The following RPS3 variants were observed in gnomAD, a reference collection of about 807,000 sequenced individuals.
RPS3 encodes the protein small ribosomal subunit protein uS3.
Under a neutral mutation model 25.8 loss-of-function variants are expected in RPS3, and 2 were observed. That is an observed-to-expected ratio of 0.08 (90% confidence interval 0.03 to 0.24). RPS3 has a LOEUF of 0.24. RPS3 is among the 10% of genes least tolerant of loss of function. RPS3 has a pLI of 1.00. For missense variants in RPS3, 107 were observed against 307.1 expected (o/e 0.35, Z 4.87); for synonymous variants, 114 against 114.2 (o/e 1.00, Z 0.01).
chr11:75,410,499 T>G (rs1227033672), downstream of RPS3, among the ~76,000 whole-genome samples: 25 of 146,896 alleles, frequency 1.7e-4, no homozygotes, highest in South Asian at 4.3e-4. Flanking sequence ...CTCCTCACTT[T>G]CCAGACTGGG....
chr11:75,412,390 A>C (rs1026397652), intron 6 of RPS3, among the ~76,000 whole-genome samples: 3 of 151,954 alleles, frequency 2.0e-5, no homozygotes, highest in Non-Finnish European at 4.4e-5. Context: ...CATCTTTCCT[A>C]CTTCCACAGT....
chr11:75,411,642 G>A (rs549535258), downstream of RPS3, among the ~76,000 whole-genome samples: 3 of 151,880 alleles, frequency 2.0e-5, no homozygotes, highest in East Asian at 2.0e-4. Context: ...CACCCACCTC[G>A]GCCTCCCAAA....
downstream of RPS3, among the ~76,000 whole-genome samples, chr11:75,409,464 T>TGGAC (rs1374030131): frequency 2.3e-5 from 3 of 127,716 alleles, no homozygotes; most frequent in African/African-American, 9.1e-5. Flanking sequence ...TAACCCTGAG[T>TGGAC]GGACACAGCA....
chr11:75,400,881 A>G (rs1380295724), intron 2 of RPS3, 57 bp downstream of exon 2: 6 of 1,534,742 alleles, frequency 3.9e-6, no homozygotes, highest in Middle Eastern at 2.5e-4. Context: ...AAGTTGGTTT[A>G]TTTATTTATT....
chr11:75,404,987 C>G lies in RPS3; in HGVS notation c.*3+119C>G, dbSNP rs1948264483. 1.4e-6 allele frequency: 1 copy of G among 690,794 alleles called. No individual in the cohort carries two copies. The highest frequency in any genetic ancestry group is 2.9e-5 in the East Asian group (1 of 34,950). The allele number at this position is 690,794 out of a possible 1,614,324, so 42.8% of individuals were successfully genotyped here. The stretch of plus-strand genomic sequence containing the variant: ...GGTGAATAAAAATTTCATTTATTTG[C>G]TTTATGTGGGAGAATACAAGTTGAA... On this transcript the variant is annotated intron_variant, in intron 6 of 6. Transcript: ENST00000531188. This position sits in a 1 kb window ranked among gnomAD's most constrained non-coding sequence, Gnocchi z 4.6.
downstream of RPS3, among the ~76,000 whole-genome samples, chr11:75,411,134 C>A (rs2135066057): frequency 6.6e-6 from 1 of 152,192 alleles, no homozygotes; most frequent in Admixed American, 6.5e-5. Context: ...CCTCAGCCTC[C>A]CAAAGTGCTG....
At chr11:75,415,688 T>C (rs1217503543) in intron 6 of RPS3, among the ~76,000 whole-genome samples, 1 of 151,758 alleles carries the variant, frequency 6.6e-6, no homozygotes, top group African/African-American at 2.4e-5. Flanking sequence ...TGCCTGTAAT[T>C]CCAGCTACTT....
At position 75,401,883 on chromosome 11, in the gene RPS3, T is replaced by C; in HGVS notation, c.255+150T>C. On this transcript the variant is annotated intron_variant, in intron 3 of 6. Transcript: ENST00000531188. ...TTAATGAATAATGGGCTTAACTTTG[T>C]AAGCCTATTCTGCTAATGGCTGATG... 4.9e-6 allele frequency: 3 copies of C among 614,450 alleles called. No individual in the cohort carries two copies. The South Asian group carries it at 6.1e-5, about 13-fold the overall frequency. 38.1% of individuals were successfully genotyped at this position (614,450 alleles called of 1,614,324 possible).
rs1948294446 is a variant in RPS3 at position 75,406,835 on chromosome 11, CT to C, written c.*1227del. On this transcript the variant is annotated 3_prime_UTR_variant, in exon 7 of 7. Transcript: ENST00000531188. ...ACTATATTTTCTTGTCACTTATTTTCTTGTACACTGCAGTTGTAACAGCTAT... is the reference window on the plus strand; with the variant it reads ...ACTATATTTTCTTGTCACTTATTTTCTGTACACTGCAGTTGTAACAGCTAT... 1 of 152,152 alleles carries C rather than the reference CT, an allele frequency of 6.6e-6. No individual in the cohort carries two copies. Among genetic ancestry groups the C allele is most frequent in the Non-Finnish European group, 1.5e-5 (1 of 68,014 alleles). 9.4% of individuals were successfully genotyped at this position (152,152 alleles called of 1,614,324 possible).
chr11:75,411,114 G>A (rs1003824912), downstream of RPS3, among the ~76,000 whole-genome samples: 2 of 151,984 alleles, frequency 1.3e-5, 1 homozygote, highest in Non-Finnish European at 2.9e-5. Flanking sequence ...TTGACCTCGT[G>A]ATCTGCCCAC....
At chr11:75,405,410 A>C (rs943634785) in intron 6 of RPS3, 10 of 321,794 alleles carry the variant, frequency 3.1e-5, no homozygotes, top group South Asian at 2.7e-4. Flanking sequence ...TCCTGTGGTC[A>C]ACACTTGGGG....
At chr11:75,410,569 T>A (rs1948346026), downstream of RPS3, among the ~76,000 whole-genome samples, 13 of 152,244 alleles carry the variant, frequency 8.5e-5, no homozygotes, top group South Asian at 2.7e-3. Flanking sequence ...GAGACGCTCC[T>A]CACTTCCCAG....
chr11:75,416,426 G>A (rs1434560007), intron 6 of RPS3, among the ~76,000 whole-genome samples: 1 of 146,606 alleles, frequency 6.8e-6, no homozygotes, highest in Non-Finnish European at 1.5e-5. Flanking sequence ...GCCTTTTACT[G>A]TGCCTTGTTC....
At chr11:75,415,214 A>G (rs776191345) in intron 6 of RPS3, among the ~76,000 whole-genome samples, 42 of 152,342 alleles carry the variant, frequency 2.8e-4, no homozygotes, top group Non-Finnish European at 5.0e-4. Context: ...ACCTGGGATC[A>G]AATTCTGGCA....
chr11:75,406,922 C>T (rs188521284), downstream of RPS3: 1 of 152,196 alleles, frequency 6.6e-6, no homozygotes, highest in East Asian at 1.9e-4. Flanking sequence ...AAGGATGTGC[C>T]TAGGTTATCT....
downstream of RPS3, chr11:75,406,952 A>G (rs549913489): frequency 5.8e-4 from 88 of 152,300 alleles, no homozygotes; most frequent in African/African-American, 2.1e-3. Flanking sequence ...ATACTCTACC[A>G]TTTTGTATAA....
chr11:75,415,473 C>G (rs7124021), intron 6 of RPS3, among the ~76,000 whole-genome samples: 150,473 of 152,258 alleles, frequency 0.99, 74,361 homozygotes, highest in Middle Eastern at 1. Context: ...AGAAGTTCGA[C>G]AACAGCCTGG....
At chr11:75,416,148 C>T (rs1445553226) in intron 6 of RPS3, among the ~76,000 whole-genome samples, 4 of 152,234 alleles carry the variant, frequency 2.6e-5, no homozygotes, top group African/African-American at 9.6e-5. Flanking sequence ...TCAGTTACCT[C>T]CCTGTTCCTC....
exon 7 of RPS3, chr11:75,421,814 T>C (rs1264055749): frequency 6.6e-6 from 1 of 152,182 alleles, no homozygotes; most frequent in African/African-American, 2.4e-5. Context: ...AGTAACTTTG[T>C]CTGGGATGAG....
Sources: allele counts gnomAD v4.1 joint callset (sites outside exome capture counted in the v4.1 genomes callset), GRCh38; gene constraint gnomAD v4.1.1; non-coding constraint Gnocchi (gnomAD v3.1); transcripts MANE v1.5; gene names NCBI Gene and HGNC (gene_info 2026-07-23, HGNC 2026-07-21).